The following PLCB1 variants were observed in gnomAD, a reference collection of about 807,000 sequenced individuals.
PLCB1 encodes 1-phosphatidylinositol 4,5-bisphosphate phosphodiesterase beta-1.
Under a neutral mutation model 161.8 loss-of-function variants are expected in PLCB1, and 46 were observed. The observed-to-expected ratio is 0.28, with a 90% CI of 0.22 to 0.36. The LOEUF (loss-of-function observed/expected upper bound fraction) is 0.36. Ranked by LOEUF, PLCB1 falls within the 10% of genes least tolerant of loss-of-function variation. The pLI is 1.00. For synonymous variants in PLCB1, 517 were observed against 503.7 expected (o/e 1.03, Z -0.35); for missense variants, 1,016 against 1,472.5 (o/e 0.69, Z 5.07).
intron 3 of PLCB1, among the ~76,000 whole-genome samples, chr20:8,601,181 C>T (rs1987575437): frequency 6.6e-6 from 1 of 152,140 alleles, no homozygotes; most frequent in Admixed American, 6.5e-5. Flanking sequence ...CTAAAAATAA[C>T]CTAAACATGC....
chr20:8,528,678 G>T (rs1057086970), intron 3 of PLCB1, among the ~76,000 whole-genome samples: 6 of 151,884 alleles, frequency 4.0e-5, no homozygotes, highest in African/African-American at 1.5e-4. Context: ...CCAATGCCGG[G>T]ATTTCCGTAA....
At chr20:8,174,064 G>A (rs2051758663) in intron 2 of PLCB1, among the ~76,000 whole-genome samples, 1 of 152,112 alleles carries the variant, frequency 6.6e-6, no homozygotes, top group African/African-American at 2.4e-5. Context: ...CAGGGGAATT[G>A]GGCTGAGGAA....
chr20:8,740,539 AC>A (rs1980823134), intron 22 of PLCB1, 91 bp downstream of exon 22: 1 of 607,492 alleles, frequency 1.6e-6, no homozygotes, highest in African/African-American at 1.9e-5. Flanking sequence ...GGAAAACTGA[AC>A]CAAACAAAGC....
At chr20:8,684,530 A>G (rs1288072239) in intron 9 of PLCB1, among the ~76,000 whole-genome samples, 1 of 152,184 alleles carries the variant, frequency 6.6e-6, no homozygotes, top group African/African-American at 2.4e-5. Context: ...CTGGGATTAC[A>G]GGCCACTTGT....
chr20:8,790,207 A>T lies in PLCB1; in HGVS notation c.3369A>T (p.Lys1123Asn). The change falls in exon 31 of 32, where the codon AAA becomes AAT. Residue 1123 changes from lysine (K) to asparagine (N), a missense_variant. Lys to Asn is a moderately conservative substitution (Grantham distance 94). Transcript: ENST00000338037. ...AAGCGCAAAGTAAACGGCAAGAAAA[A>T]CTCGTAGAGAAACACAAGGAAATAC... ...LEEAQSKRQE[K>N]LVEKHKEIRQ... 17 of 1,612,026 alleles carry T rather than the reference A, an allele frequency of 1.1e-5. No individual in the cohort carries two copies. Among genetic ancestry groups the T allele is most frequent in the Non-Finnish European group, 1.4e-5 (17 of 1,178,630 alleles).
chr20:8,776,183 T>C (rs1982934340), intron 27 of PLCB1, among the ~76,000 whole-genome samples: 1 of 152,214 alleles, frequency 6.6e-6, no homozygotes. Context: ...TGCTGAGTCA[T>C]TTACAGGAAA....
In PLCB1 at chr20:8,730,120, G is replaced by T. The variant is rs1208222158; in HGVS notation, c.1888+946G>T. Among the ~76,000 whole-genome samples the T allele has an allele frequency of 2.0e-5, 3 of 151,810 alleles. No individual in the cohort carries two copies. In the East Asian group the frequency reaches 5.8e-4, roughly 29 times the overall value. On this transcript the variant is annotated intron_variant, in intron 18 of 31. Transcript: ENST00000338037. ...GCACTTTTTATTTAAAGGGTATATT[G>T]TCTTTTGTGAAACAGAGACAATTCA...
intron 2 of PLCB1, among the ~76,000 whole-genome samples, chr20:8,317,176 A>G (rs924942693): frequency 2.6e-5 from 4 of 152,168 alleles, no homozygotes; most frequent in Non-Finnish European, 5.9e-5. Flanking sequence ...AATGGGGATG[A>G]GAAGTGGATA....
chr20:8,193,550 CAG>C (rs1328513052), intron 2 of PLCB1, among the ~76,000 whole-genome samples: 1 of 151,934 alleles, frequency 6.6e-6, no homozygotes, highest in African/African-American at 2.4e-5. Flanking sequence ...ATATAAAAAA[CAG>C]AATAAAAGTG....
At position 8,132,846 on chromosome 20, in the gene PLCB1, C is replaced by T. The variant is rs552014635; in HGVS notation, c.99+96C>T. On this transcript the variant is annotated intron_variant, in intron 1 of 31. Transcript: ENST00000338037. The surrounding 1 kb of genome is among the most constrained non-coding windows in gnomAD (Gnocchi z 5.2). The stretch of plus-strand genomic sequence containing the variant: ...GGCAAGGGGCGCGTTATGCAATGGG[C>T]GCACTGGGAGCGGGCAGGGGCAGCC... The T allele has an allele frequency of 4.8e-5, 40 of 826,706 alleles. No homozygotes were observed. Among genetic ancestry groups the T allele is most frequent in the East Asian group, 8.7e-5 (3 of 34,288 alleles). The allele number at this position is 826,706 out of a possible 1,614,324, so 51.2% of individuals were successfully genotyped here. A position where few individuals can be genotyped will look rare whatever the true frequency, so the allele number is the denominator to read the frequency against.
At chr20:8,175,165 C>G (rs1008685765) in intron 2 of PLCB1, among the ~76,000 whole-genome samples, 1 of 151,708 alleles carries the variant, frequency 6.6e-6, no homozygotes. Context: ...ATAAAGAAAT[C>G]AAGATAAAAT....
At chr20:8,287,628 A>G (rs1983184000) in intron 2 of PLCB1, among the ~76,000 whole-genome samples, 1 of 152,240 alleles carries the variant, frequency 6.6e-6, no homozygotes, top group Non-Finnish European at 1.5e-5. Flanking sequence ...TTAAGCCAGC[A>G]GAATCATAGC....
intron 11 of PLCB1, among the ~76,000 whole-genome samples, chr20:8,703,925 AG>A (rs1236653858): frequency 6.6e-6 from 1 of 152,160 alleles, no homozygotes; most frequent in African/African-American, 2.4e-5. Context: ...GGAGGGGAGG[AG>A]GGGTCTTACC....
intron 2 of PLCB1, among the ~76,000 whole-genome samples, chr20:8,184,685 ATAG>A (rs2051881691): frequency 6.6e-6 from 1 of 151,458 alleles, no homozygotes; most frequent in African/African-American, 2.4e-5. Flanking sequence ...CCCATTCATG[ATAG>A]TAGAAATGTA....
intron 1 of PLCB1, among the ~76,000 whole-genome samples, chr20:8,138,829 C>T (rs1454036169): frequency 1.3e-5 from 2 of 151,888 alleles, no homozygotes; most frequent in Non-Finnish European, 2.9e-5. Flanking sequence ...AGCTAATGTT[C>T]GATTTTATTA....
chr20:8,378,851 T>C (rs920502292), intron 3 of PLCB1, among the ~76,000 whole-genome samples: 1 of 152,274 alleles, frequency 6.6e-6, no homozygotes, highest in East Asian at 1.9e-4. Context: ...GTTTCAACAC[T>C]GTTCAGTGTA....
chr20:8,665,615 G>A (rs538247244), intron 9 of PLCB1, among the ~76,000 whole-genome samples: 9 of 152,036 alleles, frequency 5.9e-5, no homozygotes, highest in Admixed American at 2.0e-4. Flanking sequence ...TTATTAAAAT[G>A]GAATTATAAT....
intron 3 of PLCB1, among the ~76,000 whole-genome samples, chr20:8,392,224 G>T (rs531385202): frequency 6.6e-6 from 1 of 151,950 alleles, no homozygotes; most frequent in African/African-American, 2.4e-5. Context: ...TTCACTCAAG[G>T]TTCAGTCTTT....
intron 2 of PLCB1, among the ~76,000 whole-genome samples, chr20:8,229,193 A>G (rs1293294918): frequency 1.3e-5 from 2 of 152,286 alleles, no homozygotes; most frequent in East Asian, 3.9e-4. Context: ...ATTGCTGTCC[A>G]ATATTACTAT....
Sources: gnomAD v4.1 joint callset for allele counts (sites outside exome capture counted in the v4.1 genomes callset) on GRCh38, gnomAD v4.1.1 for gene constraint, Gnocchi (gnomAD v3.1) non-coding constraint, MANE v1.5 for transcripts, NCBI Gene and HGNC (gene_info 2026-07-23, HGNC 2026-07-21) for gene names.